ADCY1: variants seen among roughly 807,000 people sequenced by gnomAD.
ADCY1 encodes adenylate cyclase type 1.
A neutral mutation model predicts 105.4 loss-of-function variants in ADCY1; 28 were observed. That is an observed-to-expected ratio of 0.27 (90% confidence interval 0.20 to 0.36). The LOEUF (loss-of-function observed/expected upper bound fraction) is 0.36. Ranked by LOEUF, ADCY1 falls within the 10% of genes least tolerant of loss-of-function variation. The pLI is 1.00. For missense variants in ADCY1, 977 were observed against 1,434.2 expected (o/e 0.68, Z 5.15); for synonymous variants, 655 against 623.8 (o/e 1.05, Z -0.75).
chr7:45,665,600 A>G (rs1350131550), intron 8 of ADCY1, among the ~76,000 whole-genome samples: 1 of 152,274 alleles, frequency 6.6e-6, no homozygotes, highest in Non-Finnish European at 1.5e-5. Context: ...CACATGATAC[A>G]AAAATTAAGT....
intron 2 of ADCY1, 139 bp from the exon 3 acceptor site, chr7:45,610,240 C>A (rs746461900): frequency 1.4e-4 from 96 of 699,790 alleles, no homozygotes; most frequent in Non-Finnish European, 2.0e-4. Context: ...GAGGGAGTTG[C>A]TTGTTCAGTG....
intron 8 of ADCY1, chr7:45,664,618 C>G: frequency 1.2e-6 from 1 of 867,626 alleles, no homozygotes; most frequent in Non-Finnish European, 1.6e-6. Context: ...TTTGTTCCTT[C>G]CAGTTTCTTA....
chr7:45,595,227 A>G (rs764945731), intron 2 of ADCY1, among the ~76,000 whole-genome samples: 24 of 152,334 alleles, frequency 1.6e-4, no homozygotes, highest in Admixed American at 2.6e-4. Context: ...AGCCCAGGCC[A>G]ACCACTGCAT....
intron 5 of ADCY1, among the ~76,000 whole-genome samples, chr7:45,652,874 A>G (rs1794847640): frequency 6.6e-6 from 1 of 152,182 alleles, no homozygotes; most frequent in Admixed American, 6.5e-5. Flanking sequence ...TGGGAGCCAC[A>G]GCATCCAAAG....
chr7:45,610,625 G>A (rs1562686710), intron 3 of ADCY1, 128 bp downstream of exon 3: 6 of 810,324 alleles, frequency 7.4e-6, no homozygotes, highest in Non-Finnish European at 1.0e-5. Flanking sequence ...GAATGGGGGT[G>A]TGGAGGTAAT....
chr7:45,627,016 C>T (rs2115950110), intron 4 of ADCY1, among the ~76,000 whole-genome samples: 2 of 152,266 alleles, frequency 1.3e-5, no homozygotes, highest in Middle Eastern at 3.4e-3. Flanking sequence ...TCTCTTGACC[C>T]CTGCCCTCAA....
At chr7:45,653,177 A>G (rs1192004953) in intron 5 of ADCY1, among the ~76,000 whole-genome samples, 1 of 152,180 alleles carries the variant, frequency 6.6e-6, no homozygotes, top group East Asian at 1.9e-4. Flanking sequence ...GAGTTTGGTG[A>G]CTGTGCTGGT....
intron 4 of ADCY1, among the ~76,000 whole-genome samples, chr7:45,641,381 C>T (rs1336202719): frequency 6.6e-6 from 1 of 152,190 alleles, no homozygotes. Flanking sequence ...ACACTGGAGG[C>T]CTGAAGTGAA....
rs757233303 is a variant in ADCY1, at chr7:45,592,944, G to A, written c.789+36G>A. The stretch of plus-strand genomic sequence containing the variant: ...TGGGCCAGTCAGCCTAGAGGGGTTG[G>A]CTGTGGGGCTGGGGAGGTGGAAGAA... On this transcript the variant is annotated intron_variant, in intron 2 of 19. Transcript: ENST00000297323. 10 of 1,610,678 alleles carry A rather than the reference G, an allele frequency of 6.2e-6. No individual in the cohort carries two copies. The South Asian group carries it at 7.7e-5, about 12-fold the overall frequency.
chr7:45,721,965 G>A lies in ADCY1; in HGVS notation c.*7970G>A, dbSNP rs73320931. 3.4e-3 allele frequency: 1,358 copies of A among 396,862 alleles called. 11 individuals are homozygous for A. The highest frequency in any genetic ancestry group is 0.025 in the African/African-American group (1,233 of 48,686). The allele number at this position is 396,862 out of a possible 1,614,324, so 24.6% of individuals were successfully genotyped here. On this transcript the variant is annotated 3_prime_UTR_variant, in exon 20 of 20. Coordinates refer to ENST00000297323, the MANE Select transcript of ADCY1 (RefSeq NM_021116.4). Reference sequence around the variant, plus strand: ...ATCTTGTGGGCTGAATAAATATCTCGTGCAGGACTGTGCAACAGTAGCCCA... The same window carrying A: ...ATCTTGTGGGCTGAATAAATATCTCATGCAGGACTGTGCAACAGTAGCCCA...
chr7:45,679,595 C>A, intron 10 of ADCY1, 114 bp from the exon 11 acceptor site: 1 of 1,013,736 alleles, frequency 9.9e-7, no homozygotes, highest in Non-Finnish European at 1.5e-6. Flanking sequence ...AACGATGCTG[C>A]TTCCTCCTGA....
intron 14 of ADCY1, among the ~76,000 whole-genome samples, chr7:45,695,261 T>C (rs563184597): frequency 1.8e-4 from 28 of 152,312 alleles, no homozygotes; most frequent in Non-Finnish European, 2.9e-4. Context: ...GGAGGGCAAA[T>C]TGAATTCCTG....
Position 45,640,464 on chromosome 7 carries a change from A to G in ADCY1, c.1021-8206A>G, listed in dbSNP as rs534653631. On this transcript the variant is annotated intron_variant, in intron 4 of 19. Coordinates refer to ENST00000297323, the MANE Select transcript of ADCY1 (RefSeq NM_021116.4). ...TAGGGATATCTTGAATAGGACTCCTAGGTAGAGTCAAAGTCAAAGATTTTC... is the reference window on the plus strand; with the variant it reads ...TAGGGATATCTTGAATAGGACTCCTGGGTAGAGTCAAAGTCAAAGATTTTC... Among the ~76,000 whole-genome samples, 3 of 152,352 alleles carry G rather than the reference A, an allele frequency of 2.0e-5. No homozygotes were observed. In the South Asian group the frequency reaches 6.2e-4, roughly 32 times the overall value.
Position 45,648,650 on chromosome 7 carries a change from T to C in ADCY1, c.1021-20T>C, listed in dbSNP as rs973353735. 1 of 1,613,986 alleles carries C rather than the reference T, an allele frequency of 6.2e-7. No homozygotes were observed. The highest frequency in any genetic ancestry group is 1.3e-5 in the African/African-American group (1 of 75,050). ...CTCTGTAGCGCTGTCTCTTACCATG[T>C]GCCTTGCCCTTCCCTGAAGGAGAAC... On this transcript the variant is annotated intron_variant, in intron 4 of 19. Coordinates refer to ENST00000297323, the MANE Select transcript of ADCY1 (RefSeq NM_021116.4).
At position 45,703,802 on chromosome 7, in the gene ADCY1, G is replaced by A; in HGVS notation, c.2718+56G>A. ...CCTGGTTGTGGTGGTGCATCCTGTT[G>A]CGTGGGCAGAGCGTGTCTCACAATA... On this transcript the variant is annotated intron_variant, in intron 16 of 19. Coordinates refer to ENST00000297323, the MANE Select transcript of ADCY1 (RefSeq NM_021116.4). The surrounding 1 kb of genome is among the most constrained non-coding windows in gnomAD (Gnocchi z 5.9). 1 of 1,525,428 alleles carries A rather than the reference G, an allele frequency of 6.6e-7. No homozygotes were observed. Among genetic ancestry groups the A allele is most frequent in the Non-Finnish European group, 8.8e-7 (1 of 1,134,028 alleles). 94.5% of individuals were successfully genotyped at this position (1,525,428 alleles called of 1,614,324 possible). A position where few individuals can be genotyped will look rare whatever the true frequency, so the allele number is the denominator to read the frequency against.
rs541621424 is a variant in ADCY1 at position 45,638,783 on chromosome 7, T to TTA, written c.1021-9883_1021-9882dup. On this transcript the variant is annotated intron_variant, in intron 4 of 19. Transcript: ENST00000297323. The stretch of plus-strand genomic sequence containing the variant: ...AAATGCTTTGGTCTCCATAGGGGCA[T>TTA]TATATGCAGGAAAGAGCTACCTTTC... 1.8e-4 allele frequency among the ~76,000 whole-genome samples: 28 copies of TTA among 152,262 alleles called. No homozygotes were observed. In the East Asian group the frequency reaches 5.4e-3, roughly 29 times the overall value.
intron 1 of ADCY1, among the ~76,000 whole-genome samples, chr7:45,584,934 C>T (rs755276808): frequency 9.2e-5 from 14 of 152,190 alleles, no homozygotes; most frequent in East Asian, 3.9e-4. Flanking sequence ...AGGCCTGTGC[C>T]GGGAGTCAGG....
intron 8 of ADCY1, among the ~76,000 whole-genome samples, chr7:45,677,535 C>A (rs1784478823): frequency 6.6e-6 from 1 of 152,162 alleles, no homozygotes; most frequent in African/African-American, 2.4e-5. Context: ...GAATCTCTTT[C>A]TGCATGTGTT....
At chr7:45,645,270 G>A (rs948359237) in intron 4 of ADCY1, among the ~76,000 whole-genome samples, 10 of 152,074 alleles carry the variant, frequency 6.6e-5, no homozygotes, top group Admixed American at 2.0e-4. Flanking sequence ...TTGAGGCTCC[G>A]TGGGCATCTC....
Sources: allele counts gnomAD v4.1 joint callset (sites outside exome capture counted in the v4.1 genomes callset), GRCh38; gene constraint gnomAD v4.1.1; non-coding constraint Gnocchi (gnomAD v3.1); transcripts MANE v1.5; gene names NCBI Gene and HGNC (gene_info 2026-07-23, HGNC 2026-07-21).